Variants in HNRNPL observed in about 807,000 individuals in gnomAD.
HNRNPL encodes the protein heterogeneous nuclear ribonucleoprotein L, also known as epididymis secretory sperm binding protein.
In HNRNPL, 12 loss-of-function variants were observed where a neutral mutation model predicts 64.0. That is an observed-to-expected ratio of 0.19 (90% CI 0.12 to 0.30). The LOEUF (loss-of-function observed/expected upper bound fraction) is 0.30, where lower values mean the gene tolerates loss of function less well. Among genes scored for constraint, HNRNPL ranks in the 10% least tolerant of loss-of-function variants. The pLI is 1.00. For synonymous variants in HNRNPL, 385 were observed against 313.0 expected (o/e 1.23, Z -2.43); for missense variants, 484 against 797.4 (o/e 0.61, Z 4.73).
rs2145430319 is a variant in HNRNPL, at chr19:38,846,067, T to C, written c.410A>G (p.Lys137Arg). ...TTCAAACTCCACCAGTGCTTGTCTCTTTTTAGGCATTACCACCACATAGCT... is the reference window on the plus strand; with the variant it reads ...TTCAAACTCCACCAGTGCTTGTCTCCTTTTAGGCATTACCACCACATAGCT... ...PISYVVVMPK[K>R]RQALVEFEDV... Residue 137 changes from lysine (K) to arginine (R), a missense_variant, in exon 3 of 13, where the codon AAG (lysine) becomes AGG (arginine). Coordinates refer to ENST00000221419, the MANE Select transcript of HNRNPL (RefSeq NM_001533.3). The C allele has an allele frequency of 6.2e-7, 1 of 1,613,700 alleles. No individual in the cohort carries two copies. The highest frequency in any genetic ancestry group is 2.2e-5 in the East Asian group (1 of 44,884).
At chr19:38,850,265 GCACCTGAT>G, upstream of HNRNPL, 1 of 337,152 alleles carries the variant, frequency 3.0e-6, no homozygotes, top group East Asian at 4.7e-5. Context: ...CTCCCTAAAA[GCACCTGAT>G]AGGAACGGCG....
rs921124387 is a variant in HNRNPL, at chr19:38,836,487, AT to A, written c.*234del. 1 of 391,320 alleles carries A rather than the reference AT, an allele frequency of 2.6e-6. No individual in the cohort carries two copies. The allele number at this position is 391,320 out of a possible 1,614,324, so 24.2% of individuals were successfully genotyped here. ...AAAAAAAAAAATCACATGTACAATA[AT>A]TTTTTAAAAGTGAAGGTTAATCTTG... is the stretch of plus-strand genomic sequence containing the variant. On this transcript the variant is annotated 3_prime_UTR_variant, in exon 13 of 13. Transcript: ENST00000221419.
rs764577444 is a variant in HNRNPL at position 38,844,038 on chromosome 19, G to A, written c.777C>T (p.Gly259=). Residue 259 remains glycine (G), a synonymous_variant, in exon 5 of 13, where the codon GGC becomes GGT. Coordinates refer to ENST00000221419, the MANE Select transcript of HNRNPL (RefSeq NM_001533.3). ...ASLNGADIYS[G]CCTLKIEYAK... ...CGTATTCGATCTTCAGAGTGCAACA[G>A]CCAGAATAGATATCAGCCCCATTGA... 1 of 1,613,990 alleles carries A rather than the reference G, an allele frequency of 6.2e-7. No homozygotes were observed. The highest frequency in any genetic ancestry group is 1.1e-5 in the South Asian group (1 of 91,084).
Position 38,845,862 on chromosome 19 carries a change from C to A in HNRNPL, c.615G>T (p.Ser205=). The A allele has an allele frequency of 1.9e-6, 3 of 1,613,644 alleles. No individual in the cohort carries two copies. The highest frequency in any genetic ancestry group is 2.5e-6 in the Non-Finnish European group (3 of 1,179,592). The part of the protein sequence containing the change: ...LLFTILNPIY[S]ITTDVLYTIC... ...GCCTGCTGGCACGTACCGTGGTGAT[C>A]GAATAAATGGGGTTCAGGATGGTAA... The change falls in exon 3 of 13, where the codon TCG becomes TCT. Residue 205 remains serine, a synonymous_variant. Coordinates refer to ENST00000221419, the MANE Select transcript of HNRNPL (RefSeq NM_001533.3).
chr19:38,849,490 C>G, intron 1 of HNRNPL: 2 of 614,324 alleles, frequency 3.3e-6, no homozygotes, highest in African/African-American at 1.9e-5. Flanking sequence ...TGCGCTCCCC[C>G]ACACCCCGCT....
At chr19:38,836,845 CAA>C in intron 12 of HNRNPL, 65 bp from the exon 13 acceptor site, 1 of 1,205,328 alleles carries the variant, frequency 8.3e-7, no homozygotes, top group Non-Finnish European at 1.2e-6. Context: ...CAGGTCCCCT[CAA>C]GTTTGTACCC....
intron 3 of HNRNPL, 30 bp from the exon 4 acceptor site, chr19:38,845,765 G>A (rs777759740): frequency 3.1e-6 from 5 of 1,604,212 alleles, no homozygotes; most frequent in Non-Finnish European, 4.3e-6. Flanking sequence ...CAAGATGAAG[G>A]GGCACTGGCA....
chr19:38,841,367 T>C (rs1972112963), intron 6 of HNRNPL: 1 of 350,270 alleles, frequency 2.9e-6, no homozygotes. Flanking sequence ...GACTGAGTTG[T>C]TAACTTTTAA....
intron 6 of HNRNPL, 173 bp from the exon 7 acceptor site, chr19:38,840,732 A>C: frequency 1.6e-6 from 1 of 626,864 alleles, no homozygotes; most frequent in Non-Finnish European, 2.8e-6. Context: ...ATGAAGCCCG[A>C]GCCTCAAAGC....
chr19:38,838,322 A>G, intron 10 of HNRNPL, 75 bp downstream of exon 10: 1 of 1,279,484 alleles, frequency 7.8e-7, no homozygotes. Flanking sequence ...TATTTGCAGA[A>G]AAGACTGAAA....
chr19:38,845,329 C>A, intron 4 of HNRNPL: 1 of 275,966 alleles, frequency 3.6e-6, no homozygotes, highest in Non-Finnish European at 7.0e-6. Flanking sequence ...TGAGATCGCA[C>A]CACTGCACTC....
intron 6 of HNRNPL, chr19:38,841,695 GT>G (rs1972122452): frequency 8.1e-7 from 1 of 1,235,576 alleles, no homozygotes; most frequent in Non-Finnish European, 1.1e-6. Context: ...GCATCACATG[GT>G]TTTACAGTCA....
intron 4 of HNRNPL, chr19:38,845,230 T>TA (rs1473208599): frequency 2.5e-5 from 4 of 158,990 alleles, no homozygotes; most frequent in Admixed American, 1.2e-4. Context: ...CTACTAAAAA[T>TA]AAAAAAAATT....
chr19:38,837,729 C>T (rs1015639913), intron 10 of HNRNPL, 78 bp from the exon 11 acceptor site: 4 of 1,253,490 alleles, frequency 3.2e-6, no homozygotes, highest in Non-Finnish European at 4.6e-6. Flanking sequence ...CCAGGCCCTG[C>T]ATGACTCAGT....
intron 1 of HNRNPL, chr19:38,849,403 GGGCCGCGTGCCCGGCCCCCACACGCCA>G (rs1972420884): frequency 2.8e-6 from 1 of 353,340 alleles, no homozygotes; most frequent in Non-Finnish European, 5.1e-6. Flanking sequence ...AAAACCGGCC[GGGCCGCGTGCCCGGCCCCCACACGCCA>G]GCCCGCGGCG....
intron 1 of HNRNPL, among the ~76,000 whole-genome samples, chr19:38,848,005 C>T (rs1972358618): frequency 6.6e-6 from 1 of 152,164 alleles, no homozygotes; most frequent in Non-Finnish European, 1.5e-5. Flanking sequence ...CAGTCTTGAC[C>T]CCTTCTAGTC....
At chr19:38,850,577 G>A (rs1392598711), upstream of HNRNPL, among the ~76,000 whole-genome samples, 1 of 152,236 alleles carries the variant, frequency 6.6e-6, no homozygotes, top group African/African-American at 2.4e-5. Flanking sequence ...CTTTGGTGCA[G>A]TATACGAAAC....
chr19:38,840,009 C>T (rs1001702099), intron 8 of HNRNPL, 87 bp downstream of exon 8: 6 of 1,330,714 alleles, frequency 4.5e-6, no homozygotes, highest in South Asian at 1.2e-5. Flanking sequence ...CCCAGCGCCA[C>T]ACCAGGCTCC....
intron 1 of HNRNPL, among the ~76,000 whole-genome samples, chr19:38,848,185 G>C (rs1972365746): frequency 6.6e-6 from 1 of 152,198 alleles, no homozygotes; most frequent in Non-Finnish European, 1.5e-5. Flanking sequence ...CCGCCTCCCA[G>C]GTTCAAGCGA....
Sources: allele counts gnomAD v4.1 joint callset (sites outside exome capture counted in the v4.1 genomes callset), GRCh38; gene constraint gnomAD v4.1.1; transcripts MANE v1.5; gene names NCBI Gene and HGNC (gene_info 2026-07-23, HGNC 2026-07-21).